TNS3: variants seen among roughly 807,000 people sequenced by gnomAD.
TNS3 encodes the protein tensin-3.
A neutral mutation model predicts 140.9 loss-of-function variants in TNS3; 45 were observed. The ratio of observed to expected loss-of-function variants is 0.32; its 90% CI spans 0.25 to 0.41. TNS3 has a LOEUF of 0.41. Ranked by LOEUF, TNS3 falls within the 10% of genes least tolerant of loss-of-function variation. The pLI is 1.00. For synonymous variants in TNS3, 815 were observed against 788.4 expected (o/e 1.03, Z -0.56); for missense variants, 1,716 against 1,906.7 (o/e 0.90, Z 1.86).
At chr7:47,512,949 C>T (rs1424279266) in intron 2 of TNS3, among the ~76,000 whole-genome samples, 1 of 152,060 alleles carries the variant, frequency 6.6e-6, no homozygotes, top group Admixed American at 6.5e-5. Flanking sequence ...ACAACTTTTG[C>T]GTGACAAACA....
At chr7:47,563,538 A>C (rs754927025) in intron 1 of TNS3, among the ~76,000 whole-genome samples, 1 of 152,140 alleles carries the variant, frequency 6.6e-6, no homozygotes, top group African/African-American at 2.4e-5. Flanking sequence ...CACCAATCCT[A>C]TCCTGGGGAG....
chr7:47,423,667 C>A (rs1286148311), intron 10 of TNS3, among the ~76,000 whole-genome samples: 1 of 152,222 alleles, frequency 6.6e-6, no homozygotes, highest in Admixed American at 6.5e-5. Context: ...TTGCCCAGGG[C>A]TGCTTTCATG....
At chr7:47,318,296 C>T (rs1221611215) in intron 20 of TNS3, among the ~76,000 whole-genome samples, 1 of 152,234 alleles carries the variant, frequency 6.6e-6, no homozygotes, top group East Asian at 1.9e-4. Context: ...TATTCCACTG[C>T]ATGCATAGAT....
chr7:47,449,173 C>T (rs1047626950), intron 4 of TNS3, among the ~76,000 whole-genome samples: 1 of 152,254 alleles, frequency 6.6e-6, no homozygotes, highest in African/African-American at 2.4e-5. Flanking sequence ...GCGCCTGGCA[C>T]GGGTGCGTAT....
intron 3 of TNS3, among the ~76,000 whole-genome samples, chr7:47,488,867 C>T (rs1242394143): frequency 1.3e-5 from 2 of 152,154 alleles, no homozygotes; most frequent in Non-Finnish European, 2.9e-5. Flanking sequence ...CCAATGGTGC[C>T]TGGGGACAGG....
At chr7:47,518,335 G>A (rs191441403) in intron 2 of TNS3, among the ~76,000 whole-genome samples, 3 of 152,146 alleles carry the variant, frequency 2.0e-5, no homozygotes, top group Admixed American at 2.0e-4. Flanking sequence ...GATGTCATAG[G>A]GCGGCCATCT....
intron 17 of TNS3, among the ~76,000 whole-genome samples, chr7:47,359,030 C>A (rs577223827): frequency 6.6e-6 from 1 of 152,234 alleles, no homozygotes; most frequent in Admixed American, 6.5e-5. Flanking sequence ...GACCTAGCAA[C>A]CCCTCTCCTG....
chr7:47,435,800 A>G (rs959021486), intron 7 of TNS3, among the ~76,000 whole-genome samples: 17 of 152,208 alleles, frequency 1.1e-4, no homozygotes, highest in Non-Finnish European at 1.5e-5. Context: ...GAGTGCAGCC[A>G]GCCATCTCCC....
chr7:47,567,900 A>T (rs893599016), intron 1 of TNS3, among the ~76,000 whole-genome samples: 1 of 152,220 alleles, frequency 6.6e-6, no homozygotes, highest in Non-Finnish European at 1.5e-5. Flanking sequence ...TCGATCAGTA[A>T]TAAGGAACAA....
intron 20 of TNS3, among the ~76,000 whole-genome samples, chr7:47,321,961 T>C (rs1190112100): frequency 6.6e-6 from 1 of 152,128 alleles, no homozygotes; most frequent in Non-Finnish European, 1.5e-5. Flanking sequence ...ACCAAGGTTT[T>C]CCTGATGATG....
intron 16 of TNS3, among the ~76,000 whole-genome samples, chr7:47,392,730 T>C (rs999546577): frequency 6.6e-6 from 1 of 151,948 alleles, no homozygotes; most frequent in Non-Finnish European, 1.5e-5. Flanking sequence ...CTGCCTGGAG[T>C]AATAGCTCAC....
chr7:47,340,124 T>A (rs1266385119), intron 20 of TNS3, among the ~76,000 whole-genome samples: 63 of 102,014 alleles, frequency 6.2e-4, no homozygotes, highest in African/African-American at 2.0e-3. Flanking sequence ...TATTTTTTTT[T>A]TTTTTTTTTT....
chr7:47,411,376 C>T (rs528793646), intron 13 of TNS3, among the ~76,000 whole-genome samples: 2 of 152,276 alleles, frequency 1.3e-5, no homozygotes, highest in East Asian at 1.9e-4. Flanking sequence ...GAAACTGTTC[C>T]ACCTCAGATC....
intron 4 of TNS3, among the ~76,000 whole-genome samples, chr7:47,471,268 T>A (rs1796940715): frequency 6.6e-6 from 1 of 152,214 alleles, no homozygotes; most frequent in Non-Finnish European, 1.5e-5. Context: ...AGGGTCATGA[T>A]GGCCTCACTA....
At chr7:47,537,966 A>ACCCCCCCC (rs113842617) in intron 1 of TNS3, among the ~76,000 whole-genome samples, 5 of 126,118 alleles carry the variant, frequency 4.0e-5, no homozygotes, top group Non-Finnish European at 5.0e-5. Flanking sequence ...CCCTCACCGC[A>ACCCCCCCC]CCCCCCCCAC....
chr7:47,439,593 C>T lies in TNS3; in HGVS notation c.44G>A (p.Arg15His), dbSNP rs779864042. Reference protein sequence around the residue: ...HGLDLTYITERIIAVSFPAGC... With the variant: ...HGLDLTYITEHIIAVSFPAGC... ...GGCAGGGAAGGACACAGCGATGATG[C>T]GCTCCGTGATGTAAGTGAGGTCCAG... is the stretch of plus-strand genomic sequence containing the variant. Residue 15 changes from arginine (R) to histidine (H), a missense_variant, in exon 6 of 31, where the codon CGC becomes CAC. Arg to His is a conservative substitution (Grantham distance 29). Transcript: ENST00000311160. 1.2e-6 allele frequency: 2 copies of T among 1,614,016 alleles called. No homozygotes were observed. Among genetic ancestry groups the T allele is most frequent in the South Asian group, 1.1e-5 (1 of 91,050 alleles).
intron 28 of TNS3, among the ~76,000 whole-genome samples, chr7:47,282,355 C>T (rs189491876): frequency 6.6e-6 from 1 of 151,498 alleles, no homozygotes; most frequent in Non-Finnish European, 1.5e-5. Flanking sequence ...AAAGCCAAGG[C>T]ACAACCCTGA....
rs559037314 is a variant in TNS3 at position 47,342,164 on chromosome 7, G to C, written c.2650+2591C>G. 3.3e-5 allele frequency among the ~76,000 whole-genome samples: 5 copies of C among 152,260 alleles called. No homozygotes were observed. The East Asian group carries it at 9.7e-4, about 29-fold the overall frequency. ...AAGGCCTACCGGGTCCCTTGGCCCT[G>C]AAGTCCATGGCTAGCTGGCCTATTT... is the stretch of plus-strand genomic sequence containing the variant. On this transcript the variant is annotated intron_variant, in intron 20 of 30. Transcript: ENST00000311160.
At chr7:47,298,490 T>C (rs936785860) in intron 23 of TNS3, among the ~76,000 whole-genome samples, 1 of 152,270 alleles carries the variant, frequency 6.6e-6, no homozygotes, top group Admixed American at 6.5e-5. Context: ...CCCTGATAAC[T>C]AGACTACATC....
Sources: gnomAD v4.1 joint callset for allele counts (sites outside exome capture counted in the v4.1 genomes callset) on GRCh38, gnomAD v4.1.1 for gene constraint, MANE v1.5 for transcripts, NCBI Gene and HGNC (gene_info 2026-07-23, HGNC 2026-07-21) for gene names.